The following MACROD1 variants were observed in gnomAD, a reference collection of about 807,000 sequenced individuals.
MACROD1 encodes the protein mono-ADP ribosylhydrolase 1, also known as ADP-ribose glycohydrolase MACROD1.
Under a neutral mutation model 41.4 loss-of-function variants are expected in MACROD1, and 31 were observed. That is an observed-to-expected ratio of 0.75 (90% confidence interval 0.56 to 1.01). MACROD1 has a LOEUF of 1.01. MACROD1 is among the 50% of genes least tolerant of loss of function. MACROD1 has a pLI of 0.00. For missense variants in MACROD1, 473 were observed against 460.0 expected (o/e 1.03, Z -0.26); for synonymous variants, 252 against 203.4 (o/e 1.24, Z -2.03).
chr11:64,070,596 G>T (rs1944090002), intron 3 of MACROD1, among the ~76,000 whole-genome samples: 1 of 152,184 alleles, frequency 6.6e-6, no homozygotes, highest in African/African-American at 2.4e-5. Flanking sequence ...CTCCCCCGGA[G>T]GGGCCCCCTT....
At chr11:64,071,286 G>A (rs922790930) in intron 3 of MACROD1, among the ~76,000 whole-genome samples, 2 of 152,260 alleles carry the variant, frequency 1.3e-5, no homozygotes, top group Admixed American at 1.3e-4. Context: ...GCACAGGCCT[G>A]TGTGGGGTAC....
chr11:64,035,435 G>C (rs937779016), intron 3 of MACROD1, among the ~76,000 whole-genome samples: 1 of 152,236 alleles, frequency 6.6e-6, no homozygotes, highest in African/African-American at 2.4e-5. Context: ...AGGGATGGTT[G>C]AATGAGTGGG....
chr11:64,071,334 G>T (rs1049982757), intron 3 of MACROD1, among the ~76,000 whole-genome samples: 16 of 152,102 alleles, frequency 1.1e-4, no homozygotes, highest in Non-Finnish European at 2.1e-4. Flanking sequence ...TCCCAGACCT[G>T]CGGTCTCAAT....
At chr11:64,059,108 C>A (rs921434321) in intron 3 of MACROD1, among the ~76,000 whole-genome samples, 4 of 152,196 alleles carry the variant, frequency 2.6e-5, no homozygotes, top group Non-Finnish European at 5.9e-5. Context: ...TTGACCAGTG[C>A]TGAAAGGACG....
chr11:64,057,780 G>T (rs918268881), intron 3 of MACROD1, among the ~76,000 whole-genome samples: 1 of 152,224 alleles, frequency 6.6e-6, no homozygotes, highest in Non-Finnish European at 1.5e-5. Flanking sequence ...CTTGTTGAGC[G>T]CTTACTCTGT....
At chr11:64,116,228 C>T in intron 3 of MACROD1, 2 of 1,567,858 alleles carry the variant, frequency 1.3e-6, no homozygotes, top group South Asian at 1.2e-5. Context: ...GGTATTCAGG[C>T]TCCAGGCCAG....
At chr11:64,150,858 T>C (rs1945564502) in intron 3 of MACROD1, among the ~76,000 whole-genome samples, 1 of 152,038 alleles carries the variant, frequency 6.6e-6, no homozygotes, top group Non-Finnish European at 1.5e-5. Context: ...CCCGCCCAGG[T>C]CTGAAGCGGG....
rs1408654750 is a variant in MACROD1 at position 64,068,935 on chromosome 11, T to C, written c.518-53654A>G. On this transcript the variant is annotated intron_variant, in intron 3 of 10. Coordinates refer to ENST00000255681, the MANE Select transcript of MACROD1 (RefSeq NM_014067.4). ...ATCCGTGTGAACCCCCACCCCAGAG[T>C]GGCCCAGGTGCCAACAGACAGCACT... 7.9e-5 allele frequency among the ~76,000 whole-genome samples: 12 copies of C among 152,152 alleles called. No homozygotes were observed. In the East Asian group the frequency reaches 2.3e-3, roughly 29 times the overall value.
intron 5 of MACROD1, chr11:64,000,007 G>T: frequency 1.6e-6 from 1 of 636,982 alleles, no homozygotes. Flanking sequence ...GTGTGGGCGC[G>T]AAGGCGTTGC....
chr11:64,161,649 C>T (rs760229815), intron 1 of MACROD1, among the ~76,000 whole-genome samples: 1 of 152,248 alleles, frequency 6.6e-6, no homozygotes, highest in Non-Finnish European at 1.5e-5. Flanking sequence ...AAAAAATACA[C>T]TTGGCCAGGC....
intron 3 of MACROD1, among the ~76,000 whole-genome samples, chr11:64,080,781 C>G (rs1045647706): frequency 6.6e-6 from 1 of 152,112 alleles, no homozygotes; most frequent in African/African-American, 2.4e-5. Context: ...CAGTGGTGCT[C>G]AGAGAGGACC....
At chr11:64,144,853 T>C (rs1945471019) in intron 3 of MACROD1, among the ~76,000 whole-genome samples, 1 of 152,260 alleles carries the variant, frequency 6.6e-6, no homozygotes, top group Non-Finnish European at 1.5e-5. Flanking sequence ...ACGGCGACAG[T>C]TCAGCGTCAG....
chr11:64,157,165 T>C (rs1945682203), intron 1 of MACROD1, among the ~76,000 whole-genome samples: 1 of 152,146 alleles, frequency 6.6e-6, no homozygotes, highest in Non-Finnish European at 1.5e-5. Flanking sequence ...CGATCTCGGC[T>C]CACTGCAACC....
rs756446414 is a variant in MACROD1 at position 64,165,696 on chromosome 11, C to A, written c.298+1G>T. 11 of 1,445,314 alleles carry A rather than the reference C, an allele frequency of 7.6e-6. No individual in the cohort carries two copies. Among genetic ancestry groups the A allele is most frequent in the African/African-American group, 7.3e-5 (5 of 68,108 alleles). The allele number at this position is 1,445,314 out of a possible 1,614,324, so 89.5% of individuals were successfully genotyped here. ...TCGCGCCCCCTCGTGCTTACACTTACATTTCGCCTCCTTCCAGTCGGTGGA... is the reference window on the plus strand; with the variant it reads ...TCGCGCCCCCTCGTGCTTACACTTAAATTTCGCCTCCTTCCAGTCGGTGGA... On this transcript the variant is annotated splice_donor_variant, in intron 1 of 10. Coordinates refer to ENST00000255681, the MANE Select transcript of MACROD1 (RefSeq NM_014067.4). LOFTEE classifies it high-confidence loss of function.
chr11:64,014,772 C>T (rs542448754), intron 4 of MACROD1, among the ~76,000 whole-genome samples: 6 of 152,220 alleles, frequency 3.9e-5, no homozygotes, highest in South Asian at 2.1e-4. Context: ...ACCCCTGCTC[C>T]GTGGTGGTCG....
At chr11:64,016,105 G>A (rs1209320044) in intron 3 of MACROD1, among the ~76,000 whole-genome samples, 2 of 152,094 alleles carry the variant, frequency 1.3e-5, no homozygotes, top group Admixed American at 6.5e-5. Context: ...CTGGACTGAC[G>A]GCTTTGTGGC....
At chr11:64,076,794 G>A (rs1413726646) in intron 3 of MACROD1, among the ~76,000 whole-genome samples, 3 of 152,144 alleles carry the variant, frequency 2.0e-5, no homozygotes, top group Non-Finnish European at 2.9e-5. Flanking sequence ...CCCAGGCTCT[G>A]GGCTCCCGTC....
chr11:64,138,291 C>T (rs543375203), intron 3 of MACROD1, among the ~76,000 whole-genome samples: 4 of 152,350 alleles, frequency 2.6e-5, no homozygotes, highest in African/African-American at 9.6e-5. Context: ...AACCCCCTCC[C>T]CGGCACTGCC....
rs543436228 is a variant in MACROD1, at chr11:64,150,904, T to C, written c.517+335A>G. Among the ~76,000 whole-genome samples the C allele has an allele frequency of 2.6e-3, 400 of 152,288 alleles. 1 individual carries two copies. The highest frequency in any genetic ancestry group is 0.019 in the East Asian group (96 of 5,182). On this transcript the variant is annotated intron_variant, in intron 3 of 10. Coordinates refer to ENST00000255681, the MANE Select transcript of MACROD1 (RefSeq NM_014067.4). ...GCCAAAGGCAGAGGAAGGCAGGTGC[T>C]GGTTGGGGCTTCTGTGGCCCCCCAA...
Sources: allele counts gnomAD v4.1 joint callset (sites outside exome capture counted in the v4.1 genomes callset), GRCh38; gene constraint gnomAD v4.1.1; transcripts MANE v1.5; gene names NCBI Gene and HGNC (gene_info 2026-07-23, HGNC 2026-07-21).